Variants in GPD2 observed in about 807,000 individuals in gnomAD.
The protein encoded by GPD2 is glycerol-3-phosphate dehydrogenase, mitochondrial.
In GPD2, 54 loss-of-function variants were observed where a neutral mutation model predicts 82.4. That is an observed-to-expected ratio of 0.66 (90% CI 0.53 to 0.82). GPD2 has a LOEUF of 0.82. GPD2 is among the 40% of genes least tolerant of loss of function. GPD2 has a pLI of 0.00. For missense variants in GPD2, 748 were observed against 896.2 expected, an observed-to-expected ratio of 0.83 and a Z score of 2.11; for synonymous variants, 288 against 306.1, an observed-to-expected ratio of 0.94 and a Z score of 0.62.
At position 156,585,837 on chromosome 2, in the gene GPD2, A is replaced by T. The variant is rs545728876; in HGVS notation, c.*2919A>T. On this transcript the variant is annotated 3_prime_UTR_variant, in exon 17 of 17. Coordinates refer to ENST00000438166, the MANE Select transcript of GPD2 (RefSeq NM_000408.5). ...TCATGTCAACCTTTTTGAAGGAGTG[A>T]AAAAGCCCTACTATGTTTTTAAATA... 4 of 152,638 alleles carry T rather than the reference A, an allele frequency of 2.6e-5. No individual in the cohort carries two copies. In the East Asian group the frequency reaches 7.7e-4, roughly 30 times the overall value. The allele number at this position is 152,638 out of a possible 1,614,324, so 9.5% of individuals were successfully genotyped here.
chr2:156,554,750 T>G (rs1024864171), intron 8 of GPD2, among the ~76,000 whole-genome samples: 1 of 152,204 alleles, frequency 6.6e-6, no homozygotes, highest in Non-Finnish European at 1.5e-5. Flanking sequence ...TCATCTCTGT[T>G]TAGCCTACTG....
chr2:156,538,543 G>C (rs1686169243), intron 6 of GPD2, among the ~76,000 whole-genome samples: 1 of 151,984 alleles, frequency 6.6e-6, no homozygotes, highest in Admixed American at 6.6e-5. Context: ...AGGATTGGCT[G>C]GGTGTGGTGG....
chr2:156,447,233 C>A (rs149436064), intron 1 of GPD2, among the ~76,000 whole-genome samples: 1 of 152,214 alleles, frequency 6.6e-6, no homozygotes, highest in Non-Finnish European at 1.5e-5. Flanking sequence ...TTCCTTCAAG[C>A]TGTTCTTCCT....
intron 8 of GPD2, among the ~76,000 whole-genome samples, chr2:156,551,207 A>T (rs1412370341): frequency 1.2e-5 from 1 of 84,728 alleles, no homozygotes; most frequent in Non-Finnish European, 3.0e-5. Context: ...GATTAAAAAA[A>T]ATATTGTAGC....
At chr2:156,472,225 T>A (rs1478469797) in intron 1 of GPD2, among the ~76,000 whole-genome samples, 2 of 152,200 alleles carry the variant, frequency 1.3e-5, no homozygotes, top group Non-Finnish European at 2.9e-5. Flanking sequence ...GTGAAAACGT[T>A]TCTCCTTACA....
intron 1 of GPD2, among the ~76,000 whole-genome samples, chr2:156,451,394 G>A (rs1278597906): frequency 7.0e-6 from 1 of 142,798 alleles, no homozygotes; most frequent in Non-Finnish European, 1.6e-5. Flanking sequence ...TCACCTCCCG[G>A]ACGGGGCAGC....
At chr2:156,459,706 A>AAAAAAAAAAAAAAAAAAAG (rs1553465808) in intron 1 of GPD2, among the ~76,000 whole-genome samples, 2 of 148,854 alleles carry the variant, frequency 1.3e-5, no homozygotes, top group East Asian at 3.9e-4. Context: ...AAAAAAAAAA[A>AAAAAAAAAAAAAAAAAAAG]AAAGAAAGAA....
At chr2:156,401,147 T>C in the GPD2 span, among the ~76,000 whole-genome samples, 1 of 152,168 alleles carries the variant, frequency 6.6e-6, no homozygotes, top group African/African-American at 2.4e-5. Flanking sequence ...AGTCAAAACT[T>C]GCATTGGCCG....
At chr2:156,524,134 C>A (rs1685519764) in intron 6 of GPD2, among the ~76,000 whole-genome samples, 1 of 152,094 alleles carries the variant, frequency 6.6e-6, no homozygotes. Flanking sequence ...AACTCTCACC[C>A]TCTTCCCACC....
intron 16 of GPD2, 83 bp from the exon 17 acceptor site, chr2:156,582,710 C>A: frequency 6.9e-7 from 1 of 1,443,788 alleles, no homozygotes; most frequent in Non-Finnish European, 9.7e-7. Context: ...CCTCTGTCTG[C>A]TGCAATTCTA....
Position 156,510,750 on chromosome 2 carries a change from C to A in GPD2, c.275-46C>A, listed in dbSNP as rs371123323. The A allele has an allele frequency of 6.8e-5, 104 of 1,529,924 alleles. No homozygotes were observed. In the African/African-American group the frequency reaches 1.2e-3, roughly 18 times the overall value. 94.8% of individuals were successfully genotyped at this position (1,529,924 alleles called of 1,614,324 possible). On this transcript the variant is annotated intron_variant, in intron 3 of 16. Transcript: ENST00000438166. ...AGAAGTGCCTTTAATGAATTACATA[C>A]AAATTGTGTAATTTAAGAAGTTAAT...
the GPD2 span, among the ~76,000 whole-genome samples, chr2:156,426,825 T>TAA: frequency 2.0e-5 from 3 of 151,022 alleles, no homozygotes; most frequent in African/African-American, 4.9e-5. Context: ...TGGAGAAATT[T>TAA]AAAAAAAAAA....
rs549962637 is a variant in GPD2 at position 156,463,510 on chromosome 2, T to C, written c.-8-12588T>C. ...AGGGTTGTTTCCCCTTCTTCATCTATTGAATGAAGAAAAACCATAAAGTAA... is the reference window on the plus strand; with the variant it reads ...AGGGTTGTTTCCCCTTCTTCATCTACTGAATGAAGAAAAACCATAAAGTAA... On this transcript the variant is annotated intron_variant, in intron 1 of 16. Transcript: ENST00000438166. Among the ~76,000 whole-genome samples the C allele has an allele frequency of 2.6e-3, 391 of 152,324 alleles. 3 individuals are homozygous for C. The highest frequency in any genetic ancestry group is 9.0e-3 in the African/African-American group (373 of 41,580).
At position 156,519,779 on chromosome 2, in the gene GPD2, C is replaced by T. The variant is rs112617697; in HGVS notation, c.661+6283C>T. Among the ~76,000 whole-genome samples, 1,402 of 152,310 alleles carry T rather than the reference C, an allele frequency of 9.2e-3. 27 individuals carry two copies. The highest frequency in any genetic ancestry group is 0.032 in the African/African-American group (1,330 of 41,580). ...CAAACCCCTTGTGGGTGGGGGAGCA[C>T]CCAGGCAAACAGGTGCCTGGGCCAG... On this transcript the variant is annotated intron_variant, in intron 6 of 16. Coordinates refer to ENST00000438166, the MANE Select transcript of GPD2 (RefSeq NM_000408.5).
the GPD2 span, among the ~76,000 whole-genome samples, chr2:156,404,639 A>G: frequency 6.7e-6 from 1 of 149,962 alleles, no homozygotes; most frequent in Non-Finnish European, 1.5e-5. Flanking sequence ...TCAGAAGTTC[A>G]AGACCAGCCT....
At chr2:156,574,418 C>G (rs1186192513) in intron 13 of GPD2, among the ~76,000 whole-genome samples, 1 of 152,040 alleles carries the variant, frequency 6.6e-6, no homozygotes, top group Non-Finnish European at 1.5e-5. Flanking sequence ...CCAATTCTCA[C>G]TTTTTGGGAG....
intron 2 of GPD2, among the ~76,000 whole-genome samples, chr2:156,489,701 TTCCTTC>T (rs1684085376): frequency 9.8e-5 from 11 of 112,456 alleles, no homozygotes; most frequent in Admixed American, 8.4e-4. Flanking sequence ...CCTTCCTTCC[TTCCTTC>T]CTTCCTTCCT....
intron 6 of GPD2, among the ~76,000 whole-genome samples, chr2:156,533,734 A>G (rs1251483003): frequency 6.6e-6 from 1 of 152,216 alleles, no homozygotes; most frequent in East Asian, 1.9e-4. Flanking sequence ...GTAAAATTTT[A>G]AAATTGGAAT....
Position 156,556,996 on chromosome 2 carries a change from G to A in GPD2, c.972-393G>A, listed in dbSNP as rs16840481. 7.5e-3 allele frequency among the ~76,000 whole-genome samples: 1,141 copies of A among 152,260 alleles called. 16 individuals carry two copies. Among genetic ancestry groups the A allele is most frequent in the African/African-American group, 0.026 (1,082 of 41,536 alleles). On this transcript the variant is annotated intron_variant, in intron 8 of 16. Transcript: ENST00000438166. The stretch of plus-strand genomic sequence containing the variant: ...CTTTGGCTATTCTTGAAAAAAGGCT[G>A]AAGACATATCCTTAATTTACCATTA...
Sources: allele counts gnomAD v4.1 joint callset (sites outside exome capture counted in the v4.1 genomes callset), GRCh38; gene constraint gnomAD v4.1.1; transcripts MANE v1.5; gene names NCBI Gene and HGNC (gene_info 2026-07-23, HGNC 2026-07-21).